The following LRRC15 variants were observed in gnomAD, a reference collection of about 807,000 sequenced individuals.
LRRC15 encodes leucine-rich repeat-containing protein 15.
In LRRC15, 5 loss-of-function variants were observed where a neutral mutation model predicts 4.3. The observed-to-expected ratio is 1.16, with a 90% CI of 0.61 to 2.44. LRRC15 has a LOEUF of 2.44. Among genes scored for constraint, LRRC15 ranks in the 30% most tolerant of loss-of-function variants. The pLI is 0.01. For missense variants in LRRC15, 769 were observed against 747.0 expected, an observed-to-expected ratio of 1.03 and a Z score of -0.34; for synonymous variants, 337 against 323.2, an observed-to-expected ratio of 1.04 and a Z score of -0.46.
At chr3:194,368,529 C>CAGAA (rs1713845799) in intron 1 of LRRC15, among the ~76,000 whole-genome samples, 1 of 152,000 alleles carries the variant, frequency 6.6e-6, no homozygotes, top group Non-Finnish European at 1.5e-5. Flanking sequence ...TGTTCAGTCT[C>CAGAA]TGCAGAATGA....
chr3:194,365,998 C>T (rs1713762611), intron 1 of LRRC15, among the ~76,000 whole-genome samples: 1 of 152,204 alleles, frequency 6.6e-6, no homozygotes, highest in South Asian at 2.1e-4. Context: ...CAGTCATGGC[C>T]TTGTCTGCAG....
chr3:194,366,131 C>T (rs1375483065), intron 1 of LRRC15, among the ~76,000 whole-genome samples: 1 of 152,222 alleles, frequency 6.6e-6, no homozygotes, highest in African/African-American at 2.4e-5. Flanking sequence ...GGGGCTCAGG[C>T]CAGTGGGTCT....
rs1713520259 is a variant in LRRC15 at position 194,359,172 on chromosome 3, A to T, written c.*126T>A. The T allele has an allele frequency of 4.5e-6, 4 of 892,734 alleles. No individual in the cohort carries two copies. Among genetic ancestry groups the T allele is most frequent in the Admixed American group, 5.6e-5 (2 of 35,688 alleles). 55.3% of individuals were successfully genotyped at this position (892,734 alleles called of 1,614,324 possible). A position where few individuals can be genotyped will look rare whatever the true frequency, so the allele number is the denominator to read the frequency against. The stretch of plus-strand genomic sequence containing the variant: ...AGGCAAGTCAGGAAGAGGTAGGCTC[A>T]CCTTTCTCTGGGGCCAGAAAGAGCA... On this transcript the variant is annotated 3_prime_UTR_variant, in exon 2 of 2. Coordinates refer to ENST00000347624, the MANE Select transcript of LRRC15 (RefSeq NM_130830.5).
chr3:194,368,454 G>C (rs914857081), intron 1 of LRRC15, among the ~76,000 whole-genome samples: 28 of 152,062 alleles, frequency 1.8e-4, no homozygotes, highest in Non-Finnish European at 7.4e-5. Context: ...CATCACTGCT[G>C]AGCCCGCCCA....
In LRRC15 at chr3:194,357,077, C is replaced by G. The variant is rs1407211845; in HGVS notation, c.*2221G>C. 1 of 152,250 alleles carries G rather than the reference C, an allele frequency of 6.6e-6. No individual in the cohort carries two copies. The highest frequency in any genetic ancestry group is 1.5e-5 in the Non-Finnish European group (1 of 68,086). The allele number at this position is 152,250 out of a possible 1,614,324, so 9.4% of individuals were successfully genotyped here. ...ATGACATCTCTTGACTCTGACGGGC[C>G]TCATCTCTCCTAGATTCCCTGGGAC... is the stretch of plus-strand genomic sequence containing the variant. On this transcript the variant is annotated 3_prime_UTR_variant, in exon 2 of 2. Transcript: ENST00000347624.
Position 194,359,574 on chromosome 3 carries a change from G to A in LRRC15, c.1470C>T (p.Tyr490=), listed in dbSNP as rs1234839050. 6.2e-7 allele frequency: 1 copy of A among 1,613,932 alleles called. No individual in the cohort carries two copies. ...EVPSYPETPW[Y]PDTPSYPDTT... ...TGTCAGGGTAACTGGGTGTGTCTGG[G>A]TACCATGGTGTTTCTGGGTAACTAG... The change falls in exon 2 of 2, where the codon TAC becomes TAT. Residue 490 remains tyrosine (Y), a synonymous_variant. Coordinates refer to ENST00000347624, the MANE Select transcript of LRRC15 (RefSeq NM_130830.5).
Position 194,359,417 on chromosome 3 carries a change from C to T in LRRC15, c.1627G>A (p.Ala543Thr), listed in dbSNP as rs774070397. ...AGGGCGACAATGCCAATTACAATGG[C>T]GGCAATGGCCAGCCCGCTCTGGGCC... ...TQAQSGLAIAAIVIGIVALAC... is the reference protein window; with the variant it reads ...TQAQSGLAIATIVIGIVALAC... The change falls in exon 2 of 2, where the codon GCC (alanine) becomes ACC (threonine). Residue 543 changes from alanine to threonine, a missense_variant. Physicochemically the swap from Ala to Thr is moderately conservative, Grantham distance 58. Coordinates refer to ENST00000347624, the MANE Select transcript of LRRC15 (RefSeq NM_130830.5). 53 of 1,614,056 alleles carry T rather than the reference C, an allele frequency of 3.3e-5. No individual in the cohort carries two copies. Among genetic ancestry groups the T allele is most frequent in the South Asian group, 4.4e-5 (4 of 91,084 alleles).
rs1232280461 is a variant in LRRC15 at position 194,359,994 on chromosome 3, G to A, written c.1050C>T (p.Thr350=). The change falls in exon 2 of 2, where the codon ACC becomes ACT. Residue 350 remains threonine (T), a synonymous_variant. Transcript: ENST00000347624. The part of the protein sequence containing the change: ...LTELRELSLH[T]NALQDLDGNV... ...TCCCGTCCAGGTCCTGCAGTGCGTT[G>A]GTGTGGAGGGACAGCTCCCGAAGCT... is the stretch of plus-strand genomic sequence containing the variant. The A allele has an allele frequency of 6.2e-7, 1 of 1,614,210 alleles. No homozygotes were observed. Among genetic ancestry groups the A allele is most frequent in the African/African-American group, 1.3e-5 (1 of 75,044 alleles).
At position 194,360,157 on chromosome 3, in the gene LRRC15, C is replaced by T. The variant is rs111979102; in HGVS notation, c.887G>A (p.Arg296Gln). Residue 296 changes from arginine (R) to glutamine (Q), a missense_variant, in exon 2 of 2, where the codon CGG (arginine) becomes CAG (glutamine). By Grantham distance (43) the Arg-to-Gln change is conservative (BLOSUM62 1). Transcript: ENST00000347624. ...GTGGTTGTCATAGAGCCAAAGCTCC[C>T]GCAGGTTGGGCATGGGCCCGAAGAT... is the stretch of plus-strand genomic sequence containing the variant. ...PGIFGPMPNL[R>Q]ELWLYDNHIS... 18 of 1,613,782 alleles carry T rather than the reference C, an allele frequency of 1.1e-5. No individual in the cohort carries two copies. Among genetic ancestry groups the T allele is most frequent in the East Asian group, 4.5e-5 (2 of 44,882 alleles).
chr3:194,362,102 C>T (rs1362904611), intron 1 of LRRC15, among the ~76,000 whole-genome samples: 1 of 151,484 alleles, frequency 6.6e-6, no homozygotes, highest in Non-Finnish European at 1.5e-5. Flanking sequence ...TGTTTGAAAT[C>T]ACTGATGACA....
Position 194,360,370 on chromosome 3 carries a change from T to A in LRRC15, c.674A>T (p.Glu225Val). The A allele has an allele frequency of 1.2e-6, 2 of 1,614,150 alleles. No homozygotes were observed. The highest frequency in any genetic ancestry group is 2.2e-5 in the South Asian group (2 of 91,082). ...AATCTGGTTCTGCTGCAGAGCCAGTTCCTGCAGGTTAACAAGCCCATCAAA... is the reference window on the plus strand; with the variant it reads ...AATCTGGTTCTGCTGCAGAGCCAGTACCTGCAGGTTAACAAGCCCATCAAA... ...GTFDGLVNLQELALQQNQIGL... is the reference protein window; with the variant it reads ...GTFDGLVNLQVLALQQNQIGL... The change falls in exon 2 of 2, where the codon GAA becomes GTA. Residue 225 changes from glutamate to valine, a missense_variant. Coordinates refer to ENST00000347624, the MANE Select transcript of LRRC15 (RefSeq NM_130830.5).
chr3:194,366,751 G>A (rs1007485039), intron 1 of LRRC15, among the ~76,000 whole-genome samples: 1 of 152,212 alleles, frequency 6.6e-6, no homozygotes, highest in Admixed American at 6.5e-5. Context: ...AGAGCCTGGA[G>A]CATCAGAGGT....
chr3:194,361,185 C>G, intron 1 of LRRC15, 139 bp from the exon 2 acceptor site: 1 of 712,364 alleles, frequency 1.4e-6, no homozygotes, highest in East Asian at 2.9e-5. Context: ...GCTCTCTCTG[C>G]TCTGAACAGG....
chr3:194,366,885 C>T (rs1470447827), intron 1 of LRRC15, among the ~76,000 whole-genome samples: 1 of 152,152 alleles, frequency 6.6e-6, no homozygotes, highest in Non-Finnish European at 1.5e-5. Flanking sequence ...ACTCCTGACA[C>T]CCGATCAGGG....
chr3:194,365,257 G>A (rs961568576), intron 1 of LRRC15, among the ~76,000 whole-genome samples: 5 of 152,188 alleles, frequency 3.3e-5, no homozygotes, highest in Non-Finnish European at 7.4e-5. Context: ...GCTCTCCTGG[G>A]CGCTCTGATG....
At position 194,360,708 on chromosome 3, in the gene LRRC15, CTTG is replaced by C. The variant is rs1187947184; in HGVS notation, c.333_335del (p.Asn111del). The C allele has an allele frequency of 1.2e-6, 2 of 1,614,086 alleles. No homozygotes were observed. The highest frequency in any genetic ancestry group is 2.2e-5 in the East Asian group (1 of 44,890). ...AGAGGCCGATGGGCAGAACCTGCAG[CTTG>C]TTGTTGGCGAGGCTGAGATAGCGCA... On this transcript the variant is annotated inframe_deletion, in exon 2 of 2. Coordinates refer to ENST00000347624, the MANE Select transcript of LRRC15 (RefSeq NM_130830.5).
intron 1 of LRRC15, among the ~76,000 whole-genome samples, chr3:194,365,815 C>T (rs1415584307): frequency 6.6e-6 from 1 of 152,210 alleles, no homozygotes; most frequent in Non-Finnish European, 1.5e-5. Flanking sequence ...GGCAATCCCA[C>T]TTAGTAATCA....
rs1342042860 is a variant in LRRC15, at chr3:194,356,187, G to A, written c.*3111C>T. 6.6e-6 allele frequency: 1 copy of A among 152,246 alleles called. No homozygotes were observed. Among genetic ancestry groups the A allele is most frequent in the Non-Finnish European group, 1.5e-5 (1 of 68,062 alleles). 9.4% of individuals were successfully genotyped at this position (152,246 alleles called of 1,614,324 possible). On this transcript the variant is annotated 3_prime_UTR_variant, in exon 2 of 2. Coordinates refer to ENST00000347624, the MANE Select transcript of LRRC15 (RefSeq NM_130830.5). ...GGGTAGAGGCGGCACTCCTACCGCA[G>A]GGGTGCTGAGGGCTAGAGAGAGAAT... is the stretch of plus-strand genomic sequence containing the variant.
chr3:194,360,508 T>C lies in LRRC15; in HGVS notation c.536A>G (p.Asn179Ser), dbSNP rs1036566399. Residue 179 changes from asparagine (N) to serine (S), a missense_variant, in exon 2 of 2, where the codon AAT becomes AGT. Physicochemically the swap from Asn to Ser is conservative, Grantham distance 46. Transcript: ENST00000347624. ...FDHLVGLTKL[N>S]LGKNSLTHIS... is the part of the protein sequence containing the mutation. Reference sequence around the variant, plus strand: ...GTGGGTGAGGCTATTCTTGCCCAGATTGAGCTTCGTGAGTCCTACCAGGTG... The same window carrying C: ...GTGGGTGAGGCTATTCTTGCCCAGACTGAGCTTCGTGAGTCCTACCAGGTG... 5 of 1,614,032 alleles carry C rather than the reference T, an allele frequency of 3.1e-6. No homozygotes were observed. Among genetic ancestry groups the C allele is most frequent in the African/African-American group, 1.3e-5 (1 of 74,934 alleles).
Sources: gnomAD v4.1 joint callset for allele counts (sites outside exome capture counted in the v4.1 genomes callset) on GRCh38, gnomAD v4.1.1 for gene constraint, MANE v1.5 for transcripts, NCBI Gene and HGNC (gene_info 2026-07-23, HGNC 2026-07-21) for gene names.